The following GOLM1 variants were observed in gnomAD, a reference collection of about 807,000 sequenced individuals.
The protein encoded by GOLM1 is golgi membrane protein 1, also known as epididymis luminal protein 46.
Under a neutral mutation model 50.5 loss-of-function variants are expected in GOLM1, and 31 were observed. That is an observed-to-expected ratio of 0.61 (90% CI 0.46 to 0.83). The LOEUF (loss-of-function observed/expected upper bound fraction) is 0.83. GOLM1 is among the 40% of genes least tolerant of loss of function. The pLI, the probability that GOLM1 is intolerant of heterozygous loss-of-function variation, is 0.00. For synonymous variants in GOLM1, 178 were observed against 192.8 expected (o/e 0.92, Z 0.64); for missense variants, 491 against 501.3 (o/e 0.98, Z 0.20).
chr9:86,083,147 G>A (rs1834836412), intron 1 of GOLM1, among the ~76,000 whole-genome samples: 1 of 152,146 alleles, frequency 6.6e-6, no homozygotes, highest in South Asian at 2.1e-4. Context: ...ATTGGTTCCA[G>A]GACCCCCTGA....
At position 86,036,369 on chromosome 9, in the gene GOLM1, A is replaced by G. The variant is rs150164706; in HGVS notation, c.736T>C (p.Ser246Pro). The G allele has an allele frequency of 6.2e-7, 1 of 1,614,056 alleles. No individual in the cohort carries two copies. Among genetic ancestry groups the G allele is most frequent in the African/African-American group, 1.3e-5 (1 of 74,914 alleles). Reference sequence around the variant, plus strand: ...TTACCTTTCTCAACTTGTCTCTTTGAATCCAAAACCACTTCGGAACTGGGG... The same window carrying G: ...TTACCTTTCTCAACTTGTCTCTTTGGATCCAAAACCACTTCGGAACTGGGG... Reference protein sequence around the residue: ...PAPSSEVVLDSKRQVEKEETN... With the variant: ...PAPSSEVVLDPKRQVEKEETN... The change falls in exon 7 of 10, where the codon TCA becomes CCA. Residue 246 changes from serine to proline, a missense_variant. Physicochemically the swap from Ser to Pro is moderately conservative, Grantham distance 74. Coordinates refer to ENST00000388712, the MANE Select transcript of GOLM1 (RefSeq NM_016548.4).
At chr9:86,053,738 A>ACAC (rs1318605261) in intron 3 of GOLM1, among the ~76,000 whole-genome samples, 3 of 2,190 alleles carry the variant, frequency 1.4e-3, no homozygotes, top group African/African-American at 2.9e-3. Context: ...TCCACTCCAC[A>ACAC]CACACCACAC....
chr9:86,096,717 G>A (rs1835364920), intron 1 of GOLM1, among the ~76,000 whole-genome samples: 1 of 152,022 alleles, frequency 6.6e-6, no homozygotes, highest in Admixed American at 6.5e-5. Flanking sequence ...TTTAAAACAG[G>A]GTTTCTACCT....
chr9:86,040,733 A>T lies in GOLM1; in HGVS notation c.597+6T>A. On this transcript the variant is annotated splice_donor_region_variant and intron_variant, in intron 6 of 9. Coordinates refer to ENST00000388712, the MANE Select transcript of GOLM1 (RefSeq NM_016548.4). ...TAGAAACTCTTGGCAAAAATTCCCC[A>T]GTTACCTGCTGTCTCTGGTCGTTGT... 3 of 1,606,426 alleles carry T rather than the reference A, an allele frequency of 1.9e-6. No homozygotes were observed. The East Asian group carries it at 6.7e-5, about 36-fold the overall frequency.
chr9:86,062,650 G>C (rs894901448), intron 3 of GOLM1, among the ~76,000 whole-genome samples: 1 of 149,646 alleles, frequency 6.7e-6, no homozygotes, highest in Non-Finnish European at 1.5e-5. Flanking sequence ...AAGGAAGGGA[G>C]AGGGGTGGAG....
At chr9:86,030,834 AAGT>A (rs1464196251) in intron 9 of GOLM1, among the ~76,000 whole-genome samples, 1 of 152,234 alleles carries the variant, frequency 6.6e-6, no homozygotes, top group African/African-American at 2.4e-5. Flanking sequence ...CTTTTTAAAG[AAGT>A]CTAGATTATT....
intron 6 of GOLM1, among the ~76,000 whole-genome samples, chr9:86,038,735 G>A (rs755111894): frequency 7.9e-5 from 12 of 152,078 alleles, no homozygotes; most frequent in South Asian, 2.1e-4. Flanking sequence ...CTTGATAACC[G>A]CACACACACA....
chr9:86,053,682 C>G (rs1833886239), intron 3 of GOLM1, among the ~76,000 whole-genome samples: 1 of 126,612 alleles, frequency 7.9e-6, no homozygotes, highest in South Asian at 2.3e-4. Context: ...GCACACCACT[C>G]CACACACACC....
At chr9:86,067,750 C>G (rs910475736) in intron 3 of GOLM1, among the ~76,000 whole-genome samples, 1 of 152,194 alleles carries the variant, frequency 6.6e-6, no homozygotes, top group African/African-American at 2.4e-5. Context: ...TGCCTGTAAT[C>G]CCAGCACTTT....
At chr9:86,034,191 C>T (rs1242035298) in intron 8 of GOLM1, among the ~76,000 whole-genome samples, 1 of 152,116 alleles carries the variant, frequency 6.6e-6, no homozygotes, top group East Asian at 1.9e-4. Context: ...TCTTGAACTC[C>T]TGACCTCATG....
intron 1 of GOLM1, among the ~76,000 whole-genome samples, chr9:86,084,702 T>C (rs1277529495): frequency 2.0e-5 from 3 of 152,176 alleles, no homozygotes; most frequent in African/African-American, 7.2e-5. Context: ...AGGTCCAACC[T>C]GTCAAATGCA....
intron 1 of GOLM1, among the ~76,000 whole-genome samples, chr9:86,086,752 C>T (rs1834975115): frequency 6.6e-6 from 1 of 152,272 alleles, no homozygotes; most frequent in Middle Eastern, 3.4e-3. Flanking sequence ...TGTCAAAGAT[C>T]AGATGGTTGT....
chr9:86,033,310 GGCT>G lies in GOLM1; in HGVS notation c.1098_1100del (p.Ala367del). 6.2e-7 allele frequency: 1 copy of G among 1,610,128 alleles called. No individual in the cohort carries two copies. Among genetic ancestry groups the G allele is most frequent in the Non-Finnish European group, 8.5e-7 (1 of 1,176,328 alleles). ...CTATGTTTCTGTCATTCCCTGCCAG[GGCT>G]GCTTGCTTGTCTGTCTCAGATTCTG... On this transcript the variant is annotated inframe_deletion, in exon 9 of 10. Coordinates refer to ENST00000388712, the MANE Select transcript of GOLM1 (RefSeq NM_016548.4).
chr9:86,080,526 A>T (rs145066870), intron 1 of GOLM1, among the ~76,000 whole-genome samples: 11 of 152,266 alleles, frequency 7.2e-5, no homozygotes, highest in African/African-American at 2.6e-4. Flanking sequence ...GATACCACCA[A>T]GGATTCACCT....
intron 1 of GOLM1, among the ~76,000 whole-genome samples, chr9:86,088,159 T>C (rs1007936337): frequency 6.6e-6 from 1 of 152,066 alleles, no homozygotes; most frequent in African/African-American, 2.4e-5. Context: ...CTTCCTGGTT[T>C]AATCTTGGGA....
chr9:86,097,724 C>T (rs1835393895), intron 1 of GOLM1, among the ~76,000 whole-genome samples: 1 of 152,076 alleles, frequency 6.6e-6, no homozygotes, highest in Non-Finnish European at 1.5e-5. Context: ...CAGGTTCTGC[C>T]CTCTGTACTT....
intron 3 of GOLM1, among the ~76,000 whole-genome samples, chr9:86,072,890 C>A (rs1213267591): frequency 6.6e-6 from 1 of 151,890 alleles, no homozygotes; most frequent in African/African-American, 2.4e-5. Flanking sequence ...TACTGCAGGC[C>A]TTGTAACACA....
chr9:86,079,488 G>C, intron 1 of GOLM1, 147 bp from the exon 2 acceptor site: 1 of 628,472 alleles, frequency 1.6e-6, no homozygotes. Flanking sequence ...GCTGTCAAGG[G>C]AGAAGAGTAT....
chr9:86,037,942 G>A (rs1833200196), intron 6 of GOLM1, among the ~76,000 whole-genome samples: 1 of 151,994 alleles, frequency 6.6e-6, no homozygotes, highest in Non-Finnish European at 1.5e-5. Context: ...ATCACCTGAG[G>A]TCGGGAGTTC....
Sources: allele counts gnomAD v4.1 joint callset (sites outside exome capture counted in the v4.1 genomes callset), GRCh38; gene constraint gnomAD v4.1.1; transcripts MANE v1.5; gene names NCBI Gene and HGNC (gene_info 2026-07-23, HGNC 2026-07-21).